The following REXO2 variants were observed in gnomAD, a reference collection of about 807,000 sequenced individuals.
The protein encoded by REXO2 is oligoribonuclease, mitochondrial.
Under a neutral mutation model 30.9 loss-of-function variants are expected in REXO2, and 17 were observed. The observed-to-expected ratio is 0.55, with a 90% CI of 0.38 to 0.82. The LOEUF is 0.82. Ranked by LOEUF, REXO2 falls within the 40% of genes least tolerant of loss-of-function variation. The probability of loss-of-function intolerance (pLI) is 0.00; values close to 1 mark genes in which losing one functional copy is unlikely to be tolerated. For missense variants in REXO2, 253 were observed against 293.2 expected, an observed-to-expected ratio of 0.86 and a Z score of 1.00; for synonymous variants, 105 against 99.6, an observed-to-expected ratio of 1.05 and a Z score of -0.32.
rs764763370 is a variant in REXO2, at chr11:114,444,649, G to T, written c.418G>T (p.Ala140Ser). ...GACTCCTCCAGGGCTCTGTCCACTT[G>T]CAGGTAAAATCCAATCCTGTGTATA... The part of the protein sequence containing the change: ...QQTPPGLCPL[A>S]GNSVHEDKKF... Residue 140 changes from alanine to serine, a missense_variant, in exon 4 of 7, where the codon GCA becomes TCA. Physicochemically the swap from Ala to Ser is moderately conservative, Grantham distance 99. Coordinates refer to ENST00000265881, the MANE Select transcript of REXO2 (RefSeq NM_015523.4). 4.4e-6 allele frequency: 7 copies of T among 1,573,376 alleles called. No homozygotes were observed. Among genetic ancestry groups the T allele is most frequent in the Non-Finnish European group, 6.0e-6 (7 of 1,162,164 alleles).
chr11:114,440,625 G>T lies in REXO2; in HGVS notation c.148-31G>T, dbSNP rs200716920. ...TAAAAGAGGCCAGAATGATGGCTTTGTGTGTGTTATATATTTATTTTTAAT... is the reference window on the plus strand; with the variant it reads ...TAAAAGAGGCCAGAATGATGGCTTTTTGTGTGTTATATATTTATTTTTAAT... On this transcript the variant is annotated intron_variant, in intron 1 of 6. Coordinates refer to ENST00000265881, the MANE Select transcript of REXO2 (RefSeq NM_015523.4). The T allele has an allele frequency of 3.3e-6, 5 of 1,515,332 alleles. No homozygotes were observed. The East Asian group carries it at 6.8e-5, about 20-fold the overall frequency. 93.9% of individuals were successfully genotyped at this position (1,515,332 alleles called of 1,614,324 possible).
intron 6 of REXO2, among the ~76,000 whole-genome samples, chr11:114,448,260 T>C (rs1946523928): frequency 6.6e-6 from 1 of 152,220 alleles, no homozygotes; most frequent in African/African-American, 2.4e-5. Context: ...TTGACACTTG[T>C]TATAGTTTTT....
In REXO2 at chr11:114,447,034, A is replaced by G. The variant is rs538436387; in HGVS notation, c.531-792A>G. Reference sequence around the variant, plus strand: ...GCTCACTGCAAGCTCCGCCTTCCGGATTCACGCCATTCTCCTGCCTCAGCC... The same window carrying G: ...GCTCACTGCAAGCTCCGCCTTCCGGGTTCACGCCATTCTCCTGCCTCAGCC... On this transcript the variant is annotated intron_variant, in intron 5 of 6. Transcript: ENST00000265881. Among the ~76,000 whole-genome samples the G allele has an allele frequency of 7.8e-5, 11 of 141,308 alleles. No individual in the cohort carries two copies. In the South Asian group the frequency reaches 8.9e-4, roughly 11 times the overall value. The allele number at this position is 141,308 out of a possible 152,430, so 92.7% of individuals were successfully genotyped here.
chr11:114,450,042 G>A lies in REXO2; in HGVS notation c.*67G>A, dbSNP rs749655324. ...ACTTCTGGTGGTTTTTTTTTCTCAC[G>A]CTGATGGCTTGGCAGAGCACCTTCG... On this transcript the variant is annotated 3_prime_UTR_variant, in exon 7 of 7. Coordinates refer to ENST00000265881, the MANE Select transcript of REXO2 (RefSeq NM_015523.4). 2 of 1,505,330 alleles carry A rather than the reference G, an allele frequency of 1.3e-6. No homozygotes were observed. Among genetic ancestry groups the A allele is most frequent in the Non-Finnish European group, 8.9e-7 (1 of 1,120,748 alleles). 93.2% of individuals were successfully genotyped at this position (1,505,330 alleles called of 1,614,324 possible).
chr11:114,446,985 C>A (rs976073633), intron 5 of REXO2, among the ~76,000 whole-genome samples: 22 of 133,650 alleles, frequency 1.6e-4, no homozygotes, highest in African/African-American at 6.4e-4. Context: ...GTCGCCCAGG[C>A]GGGAGTGCTG....
intron 6 of REXO2, 127 bp from the exon 7 acceptor site, chr11:114,449,719 A>G: frequency 3.3e-6 from 3 of 904,086 alleles, no homozygotes; most frequent in Non-Finnish European, 5.0e-6. Flanking sequence ...ACTTTTGATG[A>G]TGCTAGACAG....
At position 114,443,841 on chromosome 11, in the gene REXO2, G is replaced by A. The variant is rs201888038; in HGVS notation, c.232-15G>A. On this transcript the variant is annotated splice_polypyrimidine_tract_variant and intron_variant, in intron 2 of 6. Coordinates refer to ENST00000265881, the MANE Select transcript of REXO2 (RefSeq NM_015523.4). Reference sequence around the variant, plus strand: ...CTGTTGTTTCTTGGTGACTGATGGCGTTTCCCATCCACAGGGTCCTAACCT... The same window carrying A: ...CTGTTGTTTCTTGGTGACTGATGGCATTTCCCATCCACAGGGTCCTAACCT... 4.0e-5 allele frequency: 64 copies of A among 1,592,346 alleles called. No individual in the cohort carries two copies. The highest frequency in any genetic ancestry group is 3.1e-4 in the African/African-American group (23 of 74,604).
chr11:114,446,497 G>A (rs921007728), intron 5 of REXO2: 22 of 154,004 alleles, frequency 1.4e-4, no homozygotes, highest in Non-Finnish European at 2.9e-4. Flanking sequence ...GTATGGACTA[G>A]TGAGGTCACA....
chr11:114,441,751 G>A (rs1354505230), intron 2 of REXO2: 3 of 702,192 alleles, frequency 4.3e-6, no homozygotes, highest in Admixed American at 2.0e-5. Context: ...GTAGGTAAAA[G>A]AGGTGAGGAC....
chr11:114,439,471 ATTGCGCCTGCGCCAGCGC>A lies in REXO2; in HGVS notation c.-57_-40del. On this transcript the variant is annotated 5_prime_UTR_variant, in exon 1 of 7. Transcript: ENST00000265881. ...CGTGGGTTTGCGACGTTTAGCGACT[ATTGCGCCTGCGCCAGCGC>A]CGGCTGCGAGACTGGGGCCGTGGCT... 6.3e-7 allele frequency: 1 copy of A among 1,587,084 alleles called. No individual in the cohort carries two copies. The highest frequency in any genetic ancestry group is 8.5e-7 in the Non-Finnish European group (1 of 1,174,072).
At chr11:114,443,700 G>C (rs184628712) in intron 2 of REXO2, among the ~76,000 whole-genome samples, 156 bp from the exon 3 acceptor site, 39 of 152,218 alleles carry the variant, frequency 2.6e-4, no homozygotes, top group Admixed American at 1.3e-4. Flanking sequence ...TTGCCTTAAT[G>C]AACAGTGCTG....
chr11:114,439,679 A>G lies in REXO2; in HGVS notation c.147+4A>G. The G allele has an allele frequency of 6.7e-7, 1 of 1,502,642 alleles. No individual in the cohort carries two copies. Among genetic ancestry groups the G allele is most frequent in the East Asian group, 2.5e-5 (1 of 40,770 alleles). 93.1% of individuals were successfully genotyped at this position (1,502,642 alleles called of 1,614,324 possible). On this transcript the variant is annotated splice_donor_region_variant and intron_variant, in intron 1 of 6. Coordinates refer to ENST00000265881, the MANE Select transcript of REXO2 (RefSeq NM_015523.4). ...GATGGTCTGGGTGGACCTGGAGGTG[A>G]GTGAGGTCGGCGGGGGGCTTGGGGA...
chr11:114,446,280 C>T (rs1004053321), intron 5 of REXO2, 193 bp downstream of exon 5: 3 of 392,336 alleles, frequency 7.6e-6, no homozygotes, highest in Non-Finnish European at 1.4e-5. Context: ...CAACGTCAGA[C>T]ATGTTCCCAG....
intron 4 of REXO2, among the ~76,000 whole-genome samples, 161 bp downstream of exon 4, chr11:114,444,813 T>C (rs891266937): frequency 6.6e-6 from 1 of 152,206 alleles, no homozygotes; most frequent in Non-Finnish European, 1.5e-5. Flanking sequence ...GTGTAGTTTA[T>C]AGCATGAGTA....
At chr11:114,443,090 GT>G (rs910146736) in intron 2 of REXO2, among the ~76,000 whole-genome samples, 5 of 150,408 alleles carry the variant, frequency 3.3e-5, no homozygotes, top group Non-Finnish European at 7.4e-5. Flanking sequence ...TTTTGCAATT[GT>G]TTTTTTCACC....
Position 114,439,896 on chromosome 11 carries a change from C to T in REXO2, c.147+221C>T, listed in dbSNP as rs1292032059. ...GGCTTCTTTCCACAAGGGAGGAGTC[C>T]TCCGTGTGGCTTCTTCTCCTCCCTA... On this transcript the variant is annotated intron_variant, in intron 1 of 6. Transcript: ENST00000265881. 1.0e-5 allele frequency: 6 copies of T among 587,346 alleles called. No individual in the cohort carries two copies. In the East Asian group the frequency reaches 1.2e-4, roughly 11 times the overall value. The allele number at this position is 587,346 out of a possible 1,614,324, so 36.4% of individuals were successfully genotyped here. A position where few individuals can be genotyped will look rare whatever the true frequency, so the allele number is the denominator to read the frequency against.
intron 5 of REXO2, among the ~76,000 whole-genome samples, 158 bp from the exon 6 acceptor site, chr11:114,447,668 A>G (rs1438500340): frequency 6.6e-6 from 1 of 152,146 alleles, no homozygotes; most frequent in African/African-American, 2.4e-5. Context: ...TATAGAAGAA[A>G]GAGAGGAGAG....
Position 114,444,623 on chromosome 11 carries a change from A to C in REXO2, c.392A>C (p.Gln131Pro), listed in dbSNP as rs776005749. 1 of 1,606,576 alleles carries C rather than the reference A, an allele frequency of 6.2e-7. No individual in the cohort carries two copies. Among genetic ancestry groups the C allele is most frequent in the South Asian group, 1.1e-5 (1 of 89,604 alleles). Reference sequence around the variant, plus strand: ...GAATTTCTGTCCTTTGTACGACAGCAGACTCCTCCAGGGCTCTGTCCACTT... The same window carrying C: ...GAATTTCTGTCCTTTGTACGACAGCCGACTCCTCCAGGGCTCTGTCCACTT... ...EYEFLSFVRQQTPPGLCPLAG... is the reference protein window; with the variant it reads ...EYEFLSFVRQPTPPGLCPLAG... The change falls in exon 4 of 7, where the codon CAG becomes CCG. Residue 131 changes from glutamine (Q) to proline (P), a missense_variant. Gln to Pro is a moderately conservative substitution (Grantham distance 76, BLOSUM62 -1). Coordinates refer to ENST00000265881, the MANE Select transcript of REXO2 (RefSeq NM_015523.4).
chr11:114,441,993 C>A (rs547981995), intron 2 of REXO2: 5 of 535,220 alleles, frequency 9.3e-6, no homozygotes, highest in African/African-American at 1.9e-5. Context: ...TACCCTTGGC[C>A]GAAGAAGAGT....
Sources: allele counts gnomAD v4.1 joint callset (sites outside exome capture counted in the v4.1 genomes callset), GRCh38; gene constraint gnomAD v4.1.1; transcripts MANE v1.5; gene names NCBI Gene and HGNC (gene_info 2026-07-23, HGNC 2026-07-21).